Variants in IGSF5 observed in about 807,000 individuals in gnomAD.
The protein encoded by IGSF5 is immunoglobulin superfamily member 5.
Under a neutral mutation model 39.4 loss-of-function variants are expected in IGSF5, and 41 were observed. The observed-to-expected ratio is 1.04, with a 90% CI of 0.81 to 1.35. IGSF5 has a LOEUF of 1.35. Among genes scored for constraint, IGSF5 ranks in the 40% most tolerant of loss-of-function variants. The probability of loss-of-function intolerance (pLI) is 0.00; values close to 1 mark genes in which losing one functional copy is unlikely to be tolerated. For missense variants in IGSF5, 487 were observed against 494.6 expected, an observed-to-expected ratio of 0.98 and a Z score of 0.15; for synonymous variants, 183 against 175.3, an observed-to-expected ratio of 1.04 and a Z score of -0.34.
intron 3 of IGSF5, among the ~76,000 whole-genome samples, chr21:39,769,488 A>G (rs2080103539): frequency 1.3e-5 from 2 of 150,538 alleles, no homozygotes; most frequent in Non-Finnish European, 2.9e-5. Flanking sequence ...AAAAAAAAAA[A>G]AAAGAGAAAA....
At chr21:39,717,658 C>T in the IGSF5 span, among the ~76,000 whole-genome samples, 5 of 152,138 alleles carry the variant, frequency 3.3e-5, no homozygotes, top group Non-Finnish European at 5.9e-5. Context: ...CGTAGATGTG[C>T]AGCCTTATTT....
rs2086968592 is a variant in IGSF5 at position 39,792,040 on chromosome 21, CTG to C, written c.990_991del (p.Glu331AspfsTer6). On this transcript the variant is annotated frameshift_variant, in exon 7 of 9. Coordinates refer to ENST00000380588, the MANE Select transcript of IGSF5 (RefSeq NM_001080444.2). LOFTEE classifies it high-confidence loss of function. ...GAAAAAGAGAAGACAAACAAAGAAACTGAGACAGAAAGTGGAAATGAAAACTC... is the reference window on the plus strand; with the variant it reads ...GAAAAAGAGAAGACAAACAAAGAAACAGACAGAAAGTGGAAATGAAAACTC... 1.2e-6 allele frequency: 2 copies of C among 1,610,496 alleles called. No individual in the cohort carries two copies. The highest frequency in any genetic ancestry group is 3.4e-5 in the Admixed American group (2 of 59,674).
the IGSF5 span, among the ~76,000 whole-genome samples, chr21:39,721,208 A>G: frequency 6.6e-6 from 1 of 152,232 alleles, no homozygotes; most frequent in African/African-American, 2.4e-5. Flanking sequence ...TGGCCTCCCA[A>G]TAGCAATAGC....
rs575646542 is a variant in IGSF5 at position 39,770,952 on chromosome 21, T to C, written c.455T>C (p.Val152Ala). ...CTGTTCATTCCCAGTGTTAATCTTG[T>C]AGTCGCTGAGAATGAACCTTGTGAA... ...GELFIPSVNL[V>A]VAENEPCEVT... Residue 152 changes from valine to alanine, a missense_variant, in exon 4 of 9, where the codon GTA becomes GCA. By Grantham distance (64) the Val-to-Ala change is moderately conservative. Transcript: ENST00000380588. 3 of 1,598,730 alleles carry C rather than the reference T, an allele frequency of 1.9e-6. No individual in the cohort carries two copies. Among genetic ancestry groups the C allele is most frequent in the East Asian group, 2.2e-5 (1 of 44,564 alleles).
intron 5 of IGSF5, among the ~76,000 whole-genome samples, chr21:39,787,504 T>C (rs932841629): frequency 2.0e-5 from 3 of 150,884 alleles, no homozygotes. Context: ...TTCCTTTTAA[T>C]CAGTCTATGG....
At position 39,787,552 on chromosome 21, in the gene IGSF5, G is replaced by GTTTT. The variant is rs33925299; in HGVS notation, c.935-599_935-596dup. Among the ~76,000 whole-genome samples, 38 of 119,882 alleles carry GTTTT rather than the reference G, an allele frequency of 3.2e-4. 1 individual carries two copies. Among genetic ancestry groups the GTTTT allele is most frequent in the Non-Finnish European group, 3.8e-4 (23 of 60,512 alleles). 78.6% of individuals were successfully genotyped at this position (119,882 alleles called of 152,430 possible). On this transcript the variant is annotated intron_variant, in intron 5 of 8. Transcript: ENST00000380588. ...AAAACATTAGCAATTTAATGACAGTGTTTTTTTTTTTTTTTTTTTGGTGGG... is the reference window on the plus strand; with the variant it reads ...AAAACATTAGCAATTTAATGACAGTGTTTTTTTTTTTTTTTTTTTTTTTGGTGGG...
intron 2 of IGSF5, 59 bp from the exon 3 acceptor site, chr21:39,765,476 C>T: frequency 1.3e-6 from 2 of 1,493,222 alleles, no homozygotes; most frequent in Non-Finnish European, 1.9e-6. Context: ...GGTTACAGCA[C>T]ACAGTTGATT....
At chr21:39,747,498 C>A (rs149216350) in intron 2 of IGSF5, among the ~76,000 whole-genome samples, 2 of 152,326 alleles carry the variant, frequency 1.3e-5, no homozygotes, top group African/African-American at 4.8e-5. Context: ...AGAAGAAGCT[C>A]CTCTGCCAAC....
At chr21:39,724,753 G>T in the IGSF5 span, among the ~76,000 whole-genome samples, 1 of 152,220 alleles carries the variant, frequency 6.6e-6, no homozygotes, top group Non-Finnish European at 1.5e-5. Flanking sequence ...ATTCTTTGTA[G>T]ATTTCCTTCT....
In IGSF5 at chr21:39,754,024, T is replaced by C. The variant is rs144501849; in HGVS notation, c.100+7726T>C. ...TATTAAGATGTGAGGTACTGTTGTATTCATCATGTTAGTTGTTACCTAGAT... is the reference window on the plus strand; with the variant it reads ...TATTAAGATGTGAGGTACTGTTGTACTCATCATGTTAGTTGTTACCTAGAT... On this transcript the variant is annotated intron_variant, in intron 2 of 8. Transcript: ENST00000380588. Among the ~76,000 whole-genome samples the C allele has an allele frequency of 9.5e-3, 1,443 of 152,312 alleles. 7 individuals are homozygous for C. The highest frequency in any genetic ancestry group is 0.02 in the Middle Eastern group (6 of 294).
At chr21:39,791,756 T>A (rs1380960135) in intron 6 of IGSF5, 2 of 378,198 alleles carry the variant, frequency 5.3e-6, no homozygotes, top group Non-Finnish European at 4.8e-6. Flanking sequence ...TTCTGAGAGT[T>A]GAGTAACAAC....
At chr21:39,734,439 T>TACACAC in the IGSF5 span, among the ~76,000 whole-genome samples, 10,228 of 120,164 alleles carry the variant, frequency 0.085, 708 homozygotes, top group African/African-American at 0.18. Flanking sequence ...AAAAAAAAAA[T>TACACAC]ACACACACAC....
upstream of IGSF5, among the ~76,000 whole-genome samples, chr21:39,744,621 T>C: frequency 6.6e-6 from 1 of 152,248 alleles, no homozygotes; most frequent in East Asian, 1.9e-4. Flanking sequence ...AATTAAGATG[T>C]AAATCCCCTG....
At chr21:39,801,216 G>A (rs1192006327) in intron 8 of IGSF5, 46 bp from the exon 9 acceptor site, 2 of 1,400,780 alleles carry the variant, frequency 1.4e-6, no homozygotes, top group African/African-American at 1.4e-5. Flanking sequence ...GCATTTTACA[G>A]TGATCTCAAC....
At chr21:39,734,439 TAC>T in the IGSF5 span, among the ~76,000 whole-genome samples, 30,067 of 120,210 alleles carry the variant, frequency 0.25, 3,953 homozygotes, top group Middle Eastern at 0.3. Context: ...AAAAAAAAAA[TAC>T]ACACACACAC....
chr21:39,737,389 T>C, the IGSF5 span, among the ~76,000 whole-genome samples: 1 of 152,066 alleles, frequency 6.6e-6, no homozygotes, highest in Non-Finnish European at 1.5e-5. Flanking sequence ...CATTTTCTAC[T>C]TGGAGACAGC....
At chr21:39,786,302 T>C (rs1179175556) in intron 5 of IGSF5, among the ~76,000 whole-genome samples, 1 of 151,752 alleles carries the variant, frequency 6.6e-6, no homozygotes, top group Non-Finnish European at 1.5e-5. Flanking sequence ...GCAAAGGACA[T>C]GAACAGACAC....
chr21:39,781,636 G>A (rs550194952), intron 5 of IGSF5, among the ~76,000 whole-genome samples: 19 of 152,146 alleles, frequency 1.2e-4, no homozygotes, highest in African/African-American at 1.9e-4. Flanking sequence ...GGCCAACAGG[G>A]TGTCATCATA....
chr21:39,746,315 C>T lies in IGSF5; in HGVS notation c.100+17C>T, dbSNP rs148268497. ...TGGTGGACGGTGAGTGAAAGCTCAG[C>T]TCGAGCCGTAACAAACACGGACCAG... On this transcript the variant is annotated intron_variant, in intron 2 of 8. Transcript: ENST00000380588. The T allele has an allele frequency of 4.0e-3, 2,788 of 699,802 alleles. 64 individuals carry two copies. In the African/African-American group the frequency reaches 0.04, roughly 10 times the overall value. The allele number at this position is 699,802 out of a possible 1,614,324, so 43.3% of individuals were successfully genotyped here.
Sources: gnomAD v4.1 joint callset for allele counts (sites outside exome capture counted in the v4.1 genomes callset) on GRCh38, gnomAD v4.1.1 for gene constraint, MANE v1.5 for transcripts, NCBI Gene and HGNC (gene_info 2026-07-23, HGNC 2026-07-21) for gene names.